ZNF721: variants seen among roughly 807,000 people sequenced by gnomAD.
ZNF721 encodes zinc finger protein 721.
A neutral mutation model predicts 2.4 loss-of-function variants in ZNF721; 2 were observed. The observed-to-expected ratio is 0.82, with a 90% CI of 0.34 to 2.58. ZNF721 has a LOEUF of 2.58. Among genes scored for constraint, ZNF721 ranks in the 30% most tolerant of loss-of-function variants. The pLI, the probability that ZNF721 is intolerant of heterozygous loss-of-function variation, is 0.11. For missense variants in ZNF721, 1,187 were observed against 1,085.5 expected (o/e 1.09, Z -1.31); for synonymous variants, 398 against 381.8 (o/e 1.04, Z -0.50).
chr4:443,930 G>A lies in ZNF721; in HGVS notation c.537C>T (p.Asn179=). Residue 179 remains asparagine (N), a synonymous_variant, in exon 3 of 3, where the codon AAC becomes AAT. Transcript: ENST00000511833. ...ECGKAFNRST[N]LTAHKRIHNR... is the part of the protein sequence containing the mutation. ...TGTGAATTCTCTTATGTGCAGTAAG[G>A]TTTGTTGACCTATTAAAGGCTTTGC... is the stretch of plus-strand genomic sequence containing the variant. 6.2e-7 allele frequency: 1 copy of A among 1,614,042 alleles called. No homozygotes were observed. Among genetic ancestry groups the A allele is most frequent in the Non-Finnish European group, 8.5e-7 (1 of 1,180,002 alleles).
intron 1 of ZNF721, among the ~76,000 whole-genome samples, chr4:488,966 C>T (rs145647108): frequency 0.012 from 1,851 of 152,244 alleles, 52 homozygotes; most frequent in Admixed American, 0.047. Flanking sequence ...ACCTGCACTA[C>T]CCCAGTAGCT....
Position 443,097 on chromosome 4 carries a change from G to C in ZNF721, c.1370C>G (p.Ser457Cys). The stretch of plus-strand genomic sequence containing the variant: ...TTTCTCATGTTTATTCAGGTGCAAG[G>C]AATGTATAAAGGCTTTCCCACATTC... ...CKECGKAFIH[S>C]LHLNKHEKIH... The change falls in exon 3 of 3, where the codon TCC becomes TGC. Residue 457 changes from serine (S) to cysteine (C), a missense_variant. By Grantham distance (112) the Ser-to-Cys change is moderately radical. Transcript: ENST00000511833. 2 of 1,613,866 alleles carry C rather than the reference G, an allele frequency of 1.2e-6. No individual in the cohort carries two copies. Among genetic ancestry groups the C allele is most frequent in the Non-Finnish European group, 1.7e-6 (2 of 1,179,834 alleles).
intron 1 of ZNF721, among the ~76,000 whole-genome samples, chr4:478,606 T>C (rs782392259): frequency 9.2e-5 from 14 of 152,220 alleles, no homozygotes; most frequent in Non-Finnish European, 1.9e-4. Flanking sequence ...CATTCCATTT[T>C]AAAAATCCAT....
At chr4:462,629 C>T (rs559943085) in intron 2 of ZNF721, among the ~76,000 whole-genome samples, 28 of 152,248 alleles carry the variant, frequency 1.8e-4, no homozygotes, top group Admixed American at 2.6e-4. Context: ...CTTCGACAAA[C>T]CTGACAAAAA....
intron 1 of ZNF721, among the ~76,000 whole-genome samples, chr4:477,254 CTTTT>C (rs35272784): frequency 1.1e-4 from 8 of 74,196 alleles, no homozygotes; most frequent in East Asian, 4.2e-4. Flanking sequence ...TGGTGAGTTC[CTTTT>C]TTTTTTTTTT....
chr4:474,131 G>A, intron 1 of ZNF721: 2 of 1,011,926 alleles, frequency 2.0e-6, no homozygotes, highest in Non-Finnish European at 2.8e-6. Flanking sequence ...ACCGAGCTCA[G>A]GCTGAAGCAA....
chr4:497,592 T>C (rs1422201253), intron 1 of ZNF721, among the ~76,000 whole-genome samples: 1 of 151,956 alleles, frequency 6.6e-6, no homozygotes, highest in African/African-American at 2.4e-5. Context: ...CAATCATATG[T>C]ATAATAACAG....
At chr4:460,368 A>C (rs1715023325) in intron 2 of ZNF721, among the ~76,000 whole-genome samples, 1 of 152,200 alleles carries the variant, frequency 6.6e-6, no homozygotes, top group Non-Finnish European at 1.5e-5. Flanking sequence ...GGTAGAAATA[A>C]ATAAGTTCTT....
intron 2 of ZNF721, among the ~76,000 whole-genome samples, chr4:467,256 T>C (rs1226173374): frequency 2.0e-5 from 3 of 151,924 alleles, no homozygotes; most frequent in Non-Finnish European, 4.4e-5. Context: ...GTGGCTTACA[T>C]GGCTTACACA....
intron 2 of ZNF721, among the ~76,000 whole-genome samples, chr4:469,200 G>A (rs782221521): frequency 4.6e-5 from 7 of 151,962 alleles, no homozygotes; most frequent in African/African-American, 7.3e-5. Flanking sequence ...CTCTGAAAGT[G>A]CTGGGATTAC....
rs1366892155 is a variant in ZNF721, at chr4:499,053, T to G, written c.-94+3A>C. ...AAATTAAAAACTTTTTAAAACCTCG[T>G]ACCTCGCCGTGGGCGGCGACCGTCG... On this transcript the variant is annotated splice_donor_region_variant and intron_variant, in intron 1 of 2. Transcript: ENST00000511833. The G allele has an allele frequency of 1.9e-6, 1 of 515,038 alleles. No homozygotes were observed. Among genetic ancestry groups the G allele is most frequent in the African/African-American group, 2.0e-5 (1 of 49,894 alleles). The allele number at this position is 515,038 out of a possible 1,614,324, so 31.9% of individuals were successfully genotyped here.
chr4:459,848 G>GA (rs1344575256), intron 2 of ZNF721, among the ~76,000 whole-genome samples: 2 of 151,416 alleles, frequency 1.3e-5, no homozygotes, highest in African/African-American at 4.9e-5. Context: ...AAAGGTGGGG[G>GA]AGGGGGCATT....
chr4:495,479 A>C (rs1285232749), intron 1 of ZNF721, among the ~76,000 whole-genome samples: 2 of 148,712 alleles, frequency 1.3e-5, no homozygotes, highest in African/African-American at 5.0e-5. Flanking sequence ...TTGAGATGGA[A>C]TCTCTCGATC....
chr4:445,218 C>T (rs1289075443), intron 2 of ZNF721, among the ~76,000 whole-genome samples: 1 of 151,964 alleles, frequency 6.6e-6, no homozygotes, highest in Non-Finnish European at 1.5e-5. Flanking sequence ...CTCCTGACCT[C>T]GTGATCCACC....
At chr4:482,130 T>C (rs1454623782) in intron 1 of ZNF721, among the ~76,000 whole-genome samples, 1 of 152,232 alleles carries the variant, frequency 6.6e-6, no homozygotes, top group African/African-American at 2.4e-5. Flanking sequence ...GGTCGCATAT[T>C]GCACATGCAT....
chr4:486,253 G>A (rs1553870338), intron 1 of ZNF721, among the ~76,000 whole-genome samples: 1 of 151,692 alleles, frequency 6.6e-6, no homozygotes, highest in African/African-American at 2.4e-5. Context: ...CTGCCTCCTG[G>A]GTTCACGTGA....
intron 1 of ZNF721, among the ~76,000 whole-genome samples, chr4:483,384 C>T (rs1715817676): frequency 6.6e-6 from 1 of 151,936 alleles, no homozygotes; most frequent in Non-Finnish European, 1.5e-5. Flanking sequence ...CCCGTCTCTA[C>T]TAAAAATACA....
intron 2 of ZNF721, among the ~76,000 whole-genome samples, chr4:463,449 A>G (rs1553866334): frequency 6.6e-6 from 1 of 152,238 alleles, no homozygotes; most frequent in Admixed American, 6.5e-5. Flanking sequence ...ACAAAGACAC[A>G]TGAACACGTA....
intron 2 of ZNF721, among the ~76,000 whole-genome samples, chr4:458,987 T>C (rs1336253142): frequency 2.0e-5 from 3 of 152,134 alleles, no homozygotes; most frequent in Non-Finnish European, 2.9e-5. Context: ...CAGAAGAAAG[T>C]GGGGGCCAAT....
Sources: gnomAD v4.1 joint callset for allele counts (sites outside exome capture counted in the v4.1 genomes callset) on GRCh38, gnomAD v4.1.1 for gene constraint, MANE v1.5 for transcripts, NCBI Gene and HGNC (gene_info 2026-07-23, HGNC 2026-07-21) for gene names.